Variants in MECOM observed in about 807,000 individuals in gnomAD.
MECOM encodes the protein MDS1 and EVI1 complex locus.
A neutral mutation model predicts 116.3 loss-of-function variants in MECOM; 13 were observed. The ratio of observed to expected loss-of-function variants is 0.11; its 90% CI spans 0.07 to 0.18. The LOEUF is 0.18. Ranked by LOEUF, MECOM falls within the 10% of genes least tolerant of loss-of-function variation. The pLI is 1.00. For synonymous variants in MECOM, 528 were observed against 535.2 expected (o/e 0.99, Z 0.19); for missense variants, 1,299 against 1,509.0 (o/e 0.86, Z 2.31).
At chr3:169,216,588 A>G (rs1453558475) in intron 2 of MECOM, among the ~76,000 whole-genome samples, 1 of 152,072 alleles carries the variant, frequency 6.6e-6, no homozygotes, top group Non-Finnish European at 1.5e-5. Flanking sequence ...AAAAAAAAAA[A>G]AAAAGTACAC....
chr3:169,127,752 T>A (rs1191947057), intron 5 of MECOM, 92 bp downstream of exon 5: 1 of 1,062,538 alleles, frequency 9.4e-7, no homozygotes, highest in African/African-American at 1.6e-5. Context: ...TCACTGGAGT[T>A]CCAAATTTTC....
intron 1 of MECOM, among the ~76,000 whole-genome samples, chr3:169,515,347 GGC>G (rs1478682061): frequency 6.6e-6 from 1 of 152,106 alleles, no homozygotes; most frequent in Non-Finnish European, 1.5e-5. Flanking sequence ...ACTCCTGTGG[GGC>G]CAGCAGCCTA....
At chr3:169,416,866 C>T (rs1357053624) in intron 1 of MECOM, among the ~76,000 whole-genome samples, 1 of 152,088 alleles carries the variant, frequency 6.6e-6, no homozygotes, top group East Asian at 1.9e-4. Flanking sequence ...AAAGGATTCC[C>T]TATTTAATAA....
At chr3:169,551,540 T>A (rs1170092648) in intron 1 of MECOM, among the ~76,000 whole-genome samples, 2 of 152,242 alleles carry the variant, frequency 1.3e-5, no homozygotes, top group Admixed American at 1.3e-4. Flanking sequence ...AATATTGGAA[T>A]CAAATGACTT....
chr3:169,638,473 C>T (rs1191102770), intron 1 of MECOM, among the ~76,000 whole-genome samples: 3 of 152,180 alleles, frequency 2.0e-5, no homozygotes, highest in Non-Finnish European at 2.9e-5. Flanking sequence ...TCACATCCCA[C>T]CTGACCCTTA....
At chr3:169,181,735 A>T (rs1263727152) in intron 2 of MECOM, among the ~76,000 whole-genome samples, 2 of 152,218 alleles carry the variant, frequency 1.3e-5, no homozygotes, top group Non-Finnish European at 2.9e-5. Context: ...AACTGTAGTT[A>T]TACCTGCATC....
Position 169,584,655 on chromosome 3 carries a change from G to A in MECOM, c.37+78681C>T, listed in dbSNP as rs576011520. ...CAAAAGGAGGACACTTAGACTTGTA[G>A]TACATTTCCAATTGAATTTGAGTAT... On this transcript the variant is annotated intron_variant, in intron 1 of 16. Transcript: ENST00000651503. Among the ~76,000 whole-genome samples, 10 of 152,166 alleles carry A rather than the reference G, an allele frequency of 6.6e-5. No individual in the cohort carries two copies. In the South Asian group the frequency reaches 2.1e-3, roughly 32 times the overall value.
chr3:169,155,324 A>G (rs971837256), intron 2 of MECOM, among the ~76,000 whole-genome samples: 1 of 152,010 alleles, frequency 6.6e-6, no homozygotes, highest in Admixed American at 6.6e-5. Context: ...CCATTTCTTT[A>G]CCATCTCTCT....
chr3:169,307,253 C>T (rs901012161), intron 2 of MECOM, among the ~76,000 whole-genome samples: 6 of 152,176 alleles, frequency 3.9e-5, no homozygotes, highest in African/African-American at 1.4e-4. Context: ...GTTACAGCTG[C>T]ATCATCACCT....
intron 2 of MECOM, among the ~76,000 whole-genome samples, chr3:169,255,200 C>T (rs1262293622): frequency 6.6e-6 from 1 of 152,100 alleles, no homozygotes; most frequent in Non-Finnish European, 1.5e-5. Flanking sequence ...AGTTGATATC[C>T]ACCAAGTATC....
chr3:169,404,138 C>A (rs1736292868), intron 1 of MECOM, among the ~76,000 whole-genome samples: 1 of 151,960 alleles, frequency 6.6e-6, no homozygotes, highest in Non-Finnish European at 1.5e-5. Context: ...AGAACTAGAC[C>A]CTATACTAAT....
At chr3:169,583,501 G>T (rs1396201163) in intron 1 of MECOM, among the ~76,000 whole-genome samples, 1 of 151,816 alleles carries the variant, frequency 6.6e-6, no homozygotes, top group Non-Finnish European at 1.5e-5. Flanking sequence ...TCTTCCTGTA[G>T]AACTGCCCAT....
At chr3:169,537,354 A>G (rs1160800446) in intron 1 of MECOM, among the ~76,000 whole-genome samples, 1 of 152,170 alleles carries the variant, frequency 6.6e-6, no homozygotes, top group Non-Finnish European at 1.5e-5. Context: ...GTATTTTACC[A>G]TGTATTGGGT....
chr3:169,187,647 C>G (rs1202380397), intron 2 of MECOM, among the ~76,000 whole-genome samples: 1 of 152,100 alleles, frequency 6.6e-6, no homozygotes, highest in Non-Finnish European at 1.5e-5. Flanking sequence ...AGAGCAAGTT[C>G]TGTCGTAAAC....
At chr3:169,310,535 T>C (rs1394432477) in intron 2 of MECOM, among the ~76,000 whole-genome samples, 1 of 152,252 alleles carries the variant, frequency 6.6e-6, no homozygotes, top group Non-Finnish European at 1.5e-5. Context: ...AGTGATTTCC[T>C]AGAGAATTGC....
chr3:169,441,215 GGT>G (rs1460672234), intron 1 of MECOM, among the ~76,000 whole-genome samples: 1 of 152,148 alleles, frequency 6.6e-6, no homozygotes. Flanking sequence ...TCAAGCCACT[GGT>G]GCCTTGGACA....
intron 2 of MECOM, among the ~76,000 whole-genome samples, chr3:169,336,462 G>C (rs970306288): frequency 1.3e-5 from 2 of 151,858 alleles, no homozygotes; most frequent in South Asian, 4.2e-4. Context: ...TTTTACTGAG[G>C]ATAATGTTAA....
chr3:169,300,350 T>C (rs950457813), intron 2 of MECOM, among the ~76,000 whole-genome samples: 1 of 152,234 alleles, frequency 6.6e-6, no homozygotes, highest in Non-Finnish European at 1.5e-5. Flanking sequence ...CCTTAGAATC[T>C]TAGATGATAG....
intron 2 of MECOM, among the ~76,000 whole-genome samples, chr3:169,235,482 C>T (rs1753917241): frequency 6.6e-6 from 1 of 152,018 alleles, no homozygotes; most frequent in Admixed American, 6.6e-5. Flanking sequence ...AATGCACATG[C>T]ATACACACAC....
Sources: allele counts gnomAD v4.1 joint callset (sites outside exome capture counted in the v4.1 genomes callset), GRCh38; gene constraint gnomAD v4.1.1; transcripts MANE v1.5; gene names NCBI Gene and HGNC (gene_info 2026-07-23, HGNC 2026-07-21).